GRB10: variants seen among roughly 807,000 people sequenced by gnomAD.
The protein encoded by GRB10 is growth factor receptor-bound protein 10.
A neutral mutation model predicts 80.9 loss-of-function variants in GRB10; 20 were observed. That is an observed-to-expected ratio of 0.25 (90% CI 0.17 to 0.36). The LOEUF is 0.36. Among genes scored for constraint, GRB10 ranks in the 10% least tolerant of loss-of-function variants. The pLI is 1.00. For missense variants in GRB10, 548 were observed against 747.7 expected, an observed-to-expected ratio of 0.73 and a Z score of 3.12; for synonymous variants, 291 against 291.5, an observed-to-expected ratio of 1.00 and a Z score of 0.02.
chr7:50,713,775 C>T (rs1034950560), intron 4 of GRB10, among the ~76,000 whole-genome samples: 3 of 150,690 alleles, frequency 2.0e-5, no homozygotes, highest in African/African-American at 4.9e-5. Context: ...CCCTCACCTC[C>T]ACCTCCTCCA....
At chr7:50,619,710 G>A (rs564845862) in intron 8 of GRB10, among the ~76,000 whole-genome samples, 3 of 152,316 alleles carry the variant, frequency 2.0e-5, no homozygotes, top group East Asian at 3.9e-4. Context: ...GATGGAAGGA[G>A]ATAGAAGCTT....
At chr7:50,609,384 G>GCTTATT (rs1484029104) in intron 13 of GRB10, among the ~76,000 whole-genome samples, 1 of 152,194 alleles carries the variant, frequency 6.6e-6, no homozygotes, top group African/African-American at 2.4e-5. Context: ...CTGGGGCAAG[G>GCTTATT]AGCATTGCTA....
chr7:50,667,237 T>C (rs1011462970), intron 7 of GRB10, among the ~76,000 whole-genome samples: 2 of 152,176 alleles, frequency 1.3e-5, no homozygotes, highest in African/African-American at 4.8e-5. Flanking sequence ...ATGACATGAA[T>C]GAGGAAGTTT....
At chr7:50,670,015 A>G (rs1563370084) in intron 6 of GRB10, 152 bp from the exon 7 acceptor site, 1 of 868,704 alleles carries the variant, frequency 1.2e-6, no homozygotes, top group East Asian at 2.6e-5. Flanking sequence ...ACAAAAGCCA[A>G]AAAGTAGAGG....
intron 4 of GRB10, among the ~76,000 whole-genome samples, chr7:50,709,469 A>C (rs554621407): frequency 6.6e-6 from 1 of 152,142 alleles, no homozygotes; most frequent in East Asian, 1.9e-4. Flanking sequence ...GGATTGCACA[A>C]ATGCCCCCTG....
chr7:50,695,701 G>A (rs942951392), intron 5 of GRB10, among the ~76,000 whole-genome samples: 1 of 152,098 alleles, frequency 6.6e-6, no homozygotes, highest in Non-Finnish European at 1.5e-5. Context: ...GGAATTTCCA[G>A]GGTCTTTTGT....
intron 2 of GRB10, among the ~76,000 whole-genome samples, chr7:50,773,278 G>A (rs1197349896): frequency 6.6e-6 from 1 of 151,230 alleles, no homozygotes; most frequent in African/African-American, 2.4e-5. Flanking sequence ...TTCAAGATGA[G>A]ATTTGGGACA....
intron 17 of GRB10, among the ~76,000 whole-genome samples, chr7:50,600,966 G>T (rs1344655384): frequency 1.3e-5 from 2 of 152,184 alleles, no homozygotes; most frequent in Non-Finnish European, 2.9e-5. Flanking sequence ...CATAACATTT[G>T]CCTGGAAACA....
chr7:50,792,553 C>T (rs2078972225), intron 1 of GRB10: 1 of 398,408 alleles, frequency 2.5e-6, no homozygotes, highest in African/African-American at 2.1e-5. Context: ...AACGGTACCG[C>T]TCTTATCACA....
intron 5 of GRB10, among the ~76,000 whole-genome samples, chr7:50,676,762 G>T (rs1427258571): frequency 2.0e-5 from 3 of 151,878 alleles, no homozygotes; most frequent in East Asian, 1.9e-4. Flanking sequence ...TAGTGCAGAG[G>T]GGGTATGGAG....
chr7:50,612,979 A>G (rs2049858383), intron 12 of GRB10, 140 bp from the exon 13 acceptor site: 1 of 708,420 alleles, frequency 1.4e-6, no homozygotes, highest in Non-Finnish European at 2.6e-6. Context: ...AGATACACAC[A>G]CACCTGTGTG....
chr7:50,667,662 G>T (rs2059946366), intron 7 of GRB10, among the ~76,000 whole-genome samples: 2 of 149,212 alleles, frequency 1.3e-5, no homozygotes, highest in African/African-American at 5.1e-5. Context: ...AAGCAAGTCG[G>T]GAAAAAAAAA....
intron 4 of GRB10, among the ~76,000 whole-genome samples, chr7:50,718,051 C>T (rs562924699): frequency 1.3e-4 from 20 of 152,322 alleles, no homozygotes; most frequent in African/African-American, 4.3e-4. Flanking sequence ...GGGACTCAGT[C>T]GGCCCAGACA....
intron 4 of GRB10, among the ~76,000 whole-genome samples, chr7:50,722,539 C>A (rs2067926318): frequency 6.6e-6 from 1 of 152,154 alleles, no homozygotes; most frequent in Admixed American, 6.5e-5. Flanking sequence ...GGCACATGGG[C>A]AGCAACAGCT....
chr7:50,717,835 TAC>T (rs1339057883), intron 4 of GRB10, among the ~76,000 whole-genome samples: 2 of 152,220 alleles, frequency 1.3e-5, no homozygotes, highest in Non-Finnish European at 2.9e-5. Context: ...GATGGTCAGA[TAC>T]ACAGATCGGT....
intron 4 of GRB10, among the ~76,000 whole-genome samples, chr7:50,713,688 T>C (rs1433411733): frequency 4.7e-5 from 2 of 42,698 alleles, no homozygotes; most frequent in Admixed American, 3.0e-4. Context: ...CCTCCTCCAT[T>C]GTCACCTCCA....
At chr7:50,762,631 C>T (rs1007987887) in intron 2 of GRB10, among the ~76,000 whole-genome samples, 4 of 152,140 alleles carry the variant, frequency 2.6e-5, no homozygotes, top group African/African-American at 7.2e-5. Context: ...TAAGATCCCA[C>T]GGTCATATCC....
chr7:50,752,162 A>G (rs1458908958), intron 3 of GRB10, among the ~76,000 whole-genome samples: 1 of 152,164 alleles, frequency 6.6e-6, no homozygotes, highest in African/African-American at 2.4e-5. Context: ...TAAGAACTCC[A>G]CAGAAGAATG....
At chr7:50,701,411 G>C (rs1217147193) in intron 5 of GRB10, among the ~76,000 whole-genome samples, 3 of 152,028 alleles carry the variant, frequency 2.0e-5, no homozygotes, top group Non-Finnish European at 2.9e-5. Context: ...GGGAAGCCTA[G>C]CAAGGACCTA....
Sources: allele counts gnomAD v4.1 joint callset (sites outside exome capture counted in the v4.1 genomes callset), GRCh38; gene constraint gnomAD v4.1.1; transcripts MANE v1.5; gene names NCBI Gene and HGNC (gene_info 2026-07-23, HGNC 2026-07-21).